NGEF: variants seen among roughly 807,000 people sequenced by gnomAD.
The protein encoded by NGEF is ephexin-1.
In NGEF, 31 loss-of-function variants were observed where a neutral mutation model predicts 80.9. The ratio of observed to expected loss-of-function variants is 0.38; its 90% CI spans 0.29 to 0.52. The LOEUF (loss-of-function observed/expected upper bound fraction) is 0.52. Among genes scored for constraint, NGEF ranks in the 20% least tolerant of loss-of-function variants. The pLI, the probability that NGEF is intolerant of heterozygous loss-of-function variation, is 0.84. For synonymous variants in NGEF, 371 were observed against 370.2 expected (o/e 1.00, Z -0.03); for missense variants, 709 against 926.2 (o/e 0.77, Z 3.04).
intron 5 of NGEF, among the ~76,000 whole-genome samples, chr2:232,909,894 C>A (rs1275763686): frequency 6.6e-6 from 1 of 152,194 alleles, no homozygotes; most frequent in Admixed American, 6.5e-5. Flanking sequence ...TTTTTTCTTT[C>A]ACTCAACAAG....
chr2:232,970,215 T>G lies in NGEF; in HGVS notation c.382A>C (p.Ser128Arg). 1 of 1,565,236 alleles carries G rather than the reference T, an allele frequency of 6.4e-7. No individual in the cohort carries two copies. The highest frequency in any genetic ancestry group is 1.2e-5 in the South Asian group (1 of 85,132). ...MQTDPGAQEM[S>R]ESSSTPGNGA... The stretch of plus-strand genomic sequence containing the variant: ...TCCTCATGATCTGCCATCTCTTACC[T>G]CATTTCCTGGGCTCCTGGGTCTGTC... Residue 128 changes from serine to arginine, a missense_variant and splice_region_variant, in exon 3 of 15, where the codon AGT (serine) becomes CGT (arginine). This residue lies in a region of NGEF where 283 missense variants were observed against 303.4 expected (regional missense o/e 0.93). Coordinates refer to ENST00000264051, the MANE Select transcript of NGEF (RefSeq NM_019850.3).
chr2:232,880,319 G>A (rs1008353787), intron 14 of NGEF, among the ~76,000 whole-genome samples: 3 of 152,206 alleles, frequency 2.0e-5, no homozygotes, highest in East Asian at 1.9e-4. Flanking sequence ...GTTTGTGGCC[G>A]ATCTGTAGCA....
At chr2:232,905,290 A>G (rs890889149) in intron 5 of NGEF, among the ~76,000 whole-genome samples, 11 of 152,126 alleles carry the variant, frequency 7.2e-5, no homozygotes, top group East Asian at 1.9e-4. Flanking sequence ...TTTTGGTGGA[A>G]ACGGGGTTTC....
intron 5 of NGEF, among the ~76,000 whole-genome samples, chr2:232,900,143 C>CACGCTCACAGTCACTCATAT (rs1692263324): frequency 1.3e-5 from 2 of 148,296 alleles, no homozygotes; most frequent in Non-Finnish European, 3.0e-5. Context: ...TTCTCACACA[C>CACGCTCACAGTCACTCATAT]ACACGCTCAC....
chr2:232,911,632 C>T (rs1203781587), intron 5 of NGEF, among the ~76,000 whole-genome samples: 1 of 152,158 alleles, frequency 6.6e-6, no homozygotes, highest in East Asian at 1.9e-4. Flanking sequence ...ATCTTTCAAT[C>T]CATAAACAGT....
At position 232,989,711 on chromosome 2, in the gene NGEF, T is replaced by C. The variant is rs1368848692; in HGVS notation, c.-74-14747A>G. Among the ~76,000 whole-genome samples, 9 of 152,298 alleles carry C rather than the reference T, an allele frequency of 5.9e-5. 1 individual carries two copies. Among genetic ancestry groups the C allele is most frequent in the Non-Finnish European group, 1.5e-5 (1 of 68,026 alleles). Reference sequence around the variant, plus strand: ...AGTAAAGCTGTTTTATATGTATACTTTCAAAAACTGTGGTTTCCCAAAGAA... The same window carrying C: ...AGTAAAGCTGTTTTATATGTATACTCTCAAAAACTGTGGTTTCCCAAAGAA... On this transcript the variant is annotated intron_variant, in intron 1 of 14. Transcript: ENST00000264051.
chr2:232,894,764 G>A lies in NGEF; in HGVS notation c.981C>T (p.Val327=), dbSNP rs577877162. ...LFSNVLDVLA[V]SERFLLELEH... ...GTCCCCCCCGTCCTCACCGCTCACT[G>A]ACAGCCAGCACGTCCAGGACGTTGG... Residue 327 remains valine, a synonymous_variant, in exon 6 of 15, where the codon GTC becomes GTT. Coordinates refer to ENST00000264051, the MANE Select transcript of NGEF (RefSeq NM_019850.3). 5.7e-6 allele frequency: 9 copies of A among 1,584,624 alleles called. No individual in the cohort carries two copies. In the South Asian group the frequency reaches 1.0e-4, roughly 18 times the overall value.
At position 232,920,367 on chromosome 2, in the gene NGEF, A is replaced by G; in HGVS notation, c.745T>C (p.Phe249Leu). 4 of 1,613,962 alleles carry G rather than the reference A, an allele frequency of 2.5e-6. No homozygotes were observed. Among genetic ancestry groups the G allele is most frequent in the Non-Finnish European group, 3.4e-6 (4 of 1,179,976 alleles). Residue 249 changes from phenylalanine to leucine, a missense_variant, in exon 5 of 15, where the codon TTC becomes CTC. Physicochemically the swap from Phe to Leu is conservative, Grantham distance 22. Transcript: ENST00000264051. ...ICLLSNPHSRFNLWQDLPEIR... is the reference protein window; with the variant it reads ...ICLLSNPHSRLNLWQDLPEIR... ...TCGGGAAGATCCTGCCAGAGGTTGA[A>G]CCTTGAGTGGGGGTTACTGAGCAGG...
intron 1 of NGEF, among the ~76,000 whole-genome samples, chr2:232,998,951 A>G (rs1015117692): frequency 6.6e-6 from 1 of 152,168 alleles, no homozygotes; most frequent in African/African-American, 2.4e-5. Flanking sequence ...CGCTCATACA[A>G]TGAGCATAAC....
chr2:232,953,315 A>AG (rs1553553835), intron 3 of NGEF, among the ~76,000 whole-genome samples: 6 of 150,056 alleles, frequency 4.0e-5, no homozygotes, highest in East Asian at 1.9e-4. Context: ...AAAAAAAAAA[A>AG]AAAAAGAAAA....
intron 3 of NGEF, among the ~76,000 whole-genome samples, chr2:232,948,366 T>C (rs1574630374): frequency 6.6e-6 from 1 of 152,232 alleles, no homozygotes; most frequent in South Asian, 2.1e-4. Flanking sequence ...AGTCTGGATA[T>C]TAAATATAGA....
chr2:232,894,750 C>T lies in NGEF; in HGVS notation c.989+6G>A, dbSNP rs1173194042. ...TGAGGGAGGTGGCTGTCCCCCCCGT[C>T]CTCACCGCTCACTGACAGCCAGCAC... is the stretch of plus-strand genomic sequence containing the variant. On this transcript the variant is annotated splice_donor_region_variant and intron_variant, in intron 6 of 14. Coordinates refer to ENST00000264051, the MANE Select transcript of NGEF (RefSeq NM_019850.3). The T allele has an allele frequency of 1.0e-5, 16 of 1,568,644 alleles. No homozygotes were observed. Among genetic ancestry groups the T allele is most frequent in the South Asian group, 2.3e-5 (2 of 87,974 alleles).
At chr2:232,943,499 A>ATT (rs72110776) in intron 3 of NGEF, among the ~76,000 whole-genome samples, 46,938 of 142,904 alleles carry the variant, frequency 0.33, 8,639 homozygotes, top group Middle Eastern at 0.44. Flanking sequence ...AATGCTCTAC[A>ATT]TTTTTTTTTT....
chr2:232,986,903 C>G (rs536633662), intron 1 of NGEF, among the ~76,000 whole-genome samples: 5 of 152,274 alleles, frequency 3.3e-5, no homozygotes, highest in African/African-American at 1.2e-4. Context: ...AATTAAATAT[C>G]TTTAAAAATT....
chr2:233,004,241 C>T (rs1425274362), intron 1 of NGEF, among the ~76,000 whole-genome samples: 2 of 152,158 alleles, frequency 1.3e-5, no homozygotes, highest in Non-Finnish European at 2.9e-5. Flanking sequence ...AGGCACCTGT[C>T]CGGCTTCTCC....
At chr2:232,932,212 T>C (rs913371819) in intron 3 of NGEF, among the ~76,000 whole-genome samples, 3 of 138,648 alleles carry the variant, frequency 2.2e-5, no homozygotes, top group Admixed American at 8.1e-5. Flanking sequence ...TTGCCCAGGC[T>C]GGAGTGCAGT....
At chr2:232,977,602 G>T (rs772449864) in intron 1 of NGEF, among the ~76,000 whole-genome samples, 3 of 152,222 alleles carry the variant, frequency 2.0e-5, no homozygotes, top group Admixed American at 2.0e-4. Flanking sequence ...CTGGACCTGT[G>T]GACAGTGATA....
intron 3 of NGEF, among the ~76,000 whole-genome samples, chr2:232,949,482 C>CT (rs71398759): frequency 5.7e-4 from 84 of 147,102 alleles, no homozygotes; most frequent in South Asian, 1.5e-3. Flanking sequence ...TGCACTCTTT[C>CT]TTTTTTTTTT....
chr2:232,907,174 G>GA (rs1559204407), intron 5 of NGEF, among the ~76,000 whole-genome samples: 3 of 33,052 alleles, frequency 9.1e-5, no homozygotes, highest in Non-Finnish European at 1.3e-4. Flanking sequence ...AAAAAAAAAA[G>GA]AAAAGAAAAA....
Sources: allele counts gnomAD v4.1 joint callset (sites outside exome capture counted in the v4.1 genomes callset), GRCh38; gene constraint gnomAD v4.1.1; regional missense constraint gnomAD v4.1.1; transcripts MANE v1.5; gene names NCBI Gene and HGNC (gene_info 2026-07-23, HGNC 2026-07-21).